The following SBF1 variants were observed in gnomAD, a reference collection of about 807,000 sequenced individuals.
SBF1 encodes the protein SET binding factor 1.
A neutral mutation model predicts 215.8 loss-of-function variants in SBF1; 65 were observed. The ratio of observed to expected loss-of-function variants is 0.30; its 90% confidence interval spans 0.25 to 0.37. The LOEUF is 0.37. Ranked by LOEUF, SBF1 falls within the 10% of genes least tolerant of loss-of-function variation. The probability of loss-of-function intolerance (pLI) is 1.00; values close to 1 mark genes in which losing one functional copy is unlikely to be tolerated. For synonymous variants in SBF1, 1,410 were observed against 1,122.8 expected (o/e 1.26, Z -5.11); for missense variants, 2,634 against 2,667.8 (o/e 0.99, Z 0.28).
At position 50,461,340 on chromosome 22, in the gene SBF1, C is replaced by T. The variant is rs1442242989; in HGVS notation, c.2840-54G>A. ...CAAGGAAGGTAAGGGGGGGGGGGTCCCAGAATCTCAGGGTACCACAGTTAT... is the reference window on the plus strand; with the variant it reads ...CAAGGAAGGTAAGGGGGGGGGGGTCTCAGAATCTCAGGGTACCACAGTTAT... On this transcript the variant is annotated intron_variant, in intron 22 of 40. Transcript: ENST00000380817. The T allele has an allele frequency of 2.6e-6, 4 of 1,556,870 alleles. No individual in the cohort carries two copies. In the Admixed American group the frequency reaches 7.3e-5, roughly 29 times the overall value.
chr22:50,471,229 A>T (rs1487298725), intron 1 of SBF1, among the ~76,000 whole-genome samples: 1 of 152,186 alleles, frequency 6.6e-6, no homozygotes, highest in Non-Finnish European at 1.5e-5. Flanking sequence ...GGGGCCACCT[A>T]AGGACAACAC....
At chr22:50,455,817 G>C in intron 31 of SBF1, 1 of 574,152 alleles carries the variant, frequency 1.7e-6, no homozygotes, top group South Asian at 2.0e-5. Flanking sequence ...CTAGGACTGA[G>C]GGACGTCCCT....
At position 50,471,744 on chromosome 22, in the gene SBF1, G is replaced by A. The variant is rs374977334; in HGVS notation, c.55+3042C>T. Reference sequence around the variant, plus strand: ...TGACCCAAGGCCTTGGACCCCTTCCGGCTCCCAGGGTGGAGGCTGGGAGGC... The same window carrying A: ...TGACCCAAGGCCTTGGACCCCTTCCAGCTCCCAGGGTGGAGGCTGGGAGGC... On this transcript the variant is annotated intron_variant, in intron 1 of 40. Transcript: ENST00000380817. Among the ~76,000 whole-genome samples the A allele has an allele frequency of 5.5e-4, 83 of 152,104 alleles. 1 individual carries two copies. In the South Asian group the frequency reaches 0.017, roughly 30 times the overall value.
At position 50,445,011 on chromosome 22, in the gene SBF1, G is replaced by A. The variant is rs1288067596; in HGVS notation, c.*2131C>T. ...GGTCCAGAAGATTATTTTACGTTGA[G>A]TCCATTTTTAATGTTCTGATCACCT... is the stretch of plus-strand genomic sequence containing the variant. On this transcript the variant is annotated 3_prime_UTR_variant, in exon 41 of 41. Transcript: ENST00000380817. 6.6e-6 allele frequency: 1 copy of A among 152,560 alleles called. No individual in the cohort carries two copies. The allele number at this position is 152,560 out of a possible 1,614,324, so 9.5% of individuals were successfully genotyped here. A position where few individuals can be genotyped will look rare whatever the true frequency, so the allele number is the denominator to read the frequency against.
intron 7 of SBF1, 39 bp downstream of exon 7, chr22:50,466,311 G>T: frequency 6.2e-7 from 1 of 1,608,386 alleles, no homozygotes. Flanking sequence ...TGGGCAAAGG[G>T]GCCAGGAGAA....
chr22:50,448,167 G>T, intron 38 of SBF1, 66 bp downstream of exon 38: 1 of 1,493,174 alleles, frequency 6.7e-7, no homozygotes, highest in South Asian at 1.1e-5. Flanking sequence ...CCCACCAGAG[G>T]ACTGCCTGGG....
intron 1 of SBF1, among the ~76,000 whole-genome samples, 187 bp downstream of exon 1, chr22:50,474,599 G>A (rs1342559325): frequency 4.1e-5 from 2 of 48,350 alleles, no homozygotes; most frequent in African/African-American, 1.6e-4. Context: ...CGGCTCCCCC[G>A]ACCCCGGCCC....
Position 50,447,461 on chromosome 22 carries a change from A to C in SBF1, c.5452-8T>G, listed in dbSNP as rs774304254. ...GTGGTCGTAGTAGCGCAGCTGGAGGAGGCCACAGAGTCAGCGGAGCCCCCT... is the reference window on the plus strand; with the variant it reads ...GTGGTCGTAGTAGCGCAGCTGGAGGCGGCCACAGAGTCAGCGGAGCCCCCT... On this transcript the variant is annotated splice_region_variant and splice_polypyrimidine_tract_variant and intron_variant, in intron 39 of 40. Coordinates refer to ENST00000380817, the MANE Select transcript of SBF1 (RefSeq NM_002972.4). 8.1e-5 allele frequency: 129 copies of C among 1,586,914 alleles called. 1 individual carries two copies. The highest frequency in any genetic ancestry group is 1.0e-4 in the Non-Finnish European group (118 of 1,166,340).
At chr22:50,450,474 G>A (rs1354917970) in intron 36 of SBF1, among the ~76,000 whole-genome samples, 1 of 151,510 alleles carries the variant, frequency 6.6e-6, no homozygotes, top group East Asian at 1.9e-4. Flanking sequence ...TGAGCCGAGA[G>A]TGCGCCACTG....
intron 1 of SBF1, 74 bp downstream of exon 1, chr22:50,474,712 C>A: frequency 2.3e-6 from 3 of 1,313,432 alleles, no homozygotes; most frequent in East Asian, 3.3e-5. Flanking sequence ...GGCCCTCGAC[C>A]CTCAGACCCA....
At position 50,447,333 on chromosome 22, in the gene SBF1, C is replaced by T; in HGVS notation, c.5572G>A (p.Ala1858Thr). ...CGGCCAAGGCTCACGTCAAAGAAGGCCTTCTCGTCCACAGTCTTAGGGGCA... is the reference window on the plus strand; with the variant it reads ...CGGCCAAGGCTCACGTCAAAGAAGGTCTTCTCGTCCACAGTCTTAGGGGCA... ...MGAPKTVDEKAFFDVKTTRRV... is the reference protein window; with the variant it reads ...MGAPKTVDEKTFFDVKTTRRV... The change falls in exon 40 of 41, where the codon GCC becomes ACC. Residue 1858 changes from alanine to threonine, a missense_variant. Physicochemically the swap from Ala to Thr is moderately conservative, Grantham distance 58 (BLOSUM62 0). Transcript: ENST00000380817. 6.2e-7 allele frequency: 1 copy of T among 1,614,090 alleles called. No homozygotes were observed. Among genetic ancestry groups the T allele is most frequent in the Non-Finnish European group, 8.5e-7 (1 of 1,179,976 alleles).
At position 50,456,395 on chromosome 22, in the gene SBF1, C is replaced by G; in HGVS notation, c.4087G>C (p.Gly1363Arg). ...YILGDKAQLK[G>R]VRSDPLQQWE... ...TGCTGCAGGGGGTCTGACCGCACAC[C>G]CTGAAAAGAATCCGGACAAGTCCCG... Residue 1363 changes from glycine to arginine, a missense_variant and splice_region_variant, in exon 31 of 41, where the codon GGT becomes CGT. By Grantham distance (125) the Gly-to-Arg change is moderately radical. Transcript: ENST00000380817. 4.3e-6 allele frequency: 7 copies of G among 1,611,986 alleles called. No individual in the cohort carries two copies. The highest frequency in any genetic ancestry group is 5.9e-6 in the Non-Finnish European group (7 of 1,179,866).
chr22:50,453,849 G>A (rs1603430958), intron 36 of SBF1, among the ~76,000 whole-genome samples: 1 of 151,834 alleles, frequency 6.6e-6, no homozygotes, highest in East Asian at 1.9e-4. Context: ...CTGAGTGCAG[G>A]TCCCCCCGTG....
intron 36 of SBF1, 95 bp from the exon 37 acceptor site, chr22:50,448,745 G>C (rs1395322028): frequency 1.8e-5 from 18 of 998,192 alleles, no homozygotes; most frequent in Non-Finnish European, 2.6e-5. Flanking sequence ...AGACACAACG[G>C]AAAGGCCTAA....
rs140466449 is a variant in SBF1, at chr22:50,461,872, G to T, written c.2570-3C>A. 1 of 1,614,036 alleles carries T rather than the reference G, an allele frequency of 6.2e-7. No homozygotes were observed. The highest frequency in any genetic ancestry group is 8.5e-7 in the Non-Finnish European group (1 of 1,180,022). On this transcript the variant is annotated splice_polypyrimidine_tract_variant and splice_region_variant and intron_variant, in intron 20 of 40. Transcript: ENST00000380817. Reference sequence around the variant, plus strand: ...CTCGATGTGCATCTGGACAATGTCTGGGGGAAGACAGTTCTCACACTTTGT... The same window carrying T: ...CTCGATGTGCATCTGGACAATGTCTTGGGGAAGACAGTTCTCACACTTTGT...
chr22:50,471,296 T>C (rs1358175182), intron 1 of SBF1, among the ~76,000 whole-genome samples: 2 of 152,210 alleles, frequency 1.3e-5, no homozygotes, highest in Non-Finnish European at 2.9e-5. Flanking sequence ...CCAATGTCCC[T>C]GCGGCCAGCC....
Position 50,465,293 on chromosome 22 carries a change from G to T in SBF1, c.1125C>A (p.Phe375Leu), listed in dbSNP as rs200307726. The part of the protein sequence containing the change: ...KELRAVFLRL[F>L]AQLLQGYRWC... ...AGCGATAGCCCTGCAGCAGCTGAGC[G>T]AACAGCCGCAGGAAGACCGCGCGCA... Residue 375 changes from phenylalanine to leucine, a missense_variant, in exon 11 of 41, where the codon TTC becomes TTA. Physicochemically the swap from Phe to Leu is conservative, Grantham distance 22. Transcript: ENST00000380817. 1.7e-4 allele frequency: 278 copies of T among 1,606,642 alleles called. No individual in the cohort carries two copies. Among genetic ancestry groups the T allele is most frequent in the Non-Finnish European group, 2.3e-4 (269 of 1,177,544 alleles).
chr22:50,467,157 C>T, intron 5 of SBF1, 181 bp downstream of exon 5: 1 of 608,890 alleles, frequency 1.6e-6, no homozygotes, highest in South Asian at 2.0e-5. Flanking sequence ...AGGCCCAGAG[C>T]ACAGGTGCGA....
At position 50,465,305 on chromosome 22, in the gene SBF1, G is replaced by A. The variant is rs772206036; in HGVS notation, c.1113C>T (p.Phe371=). The change falls in exon 11 of 41, where the codon TTC becomes TTT. Residue 371 remains phenylalanine, a synonymous_variant. Transcript: ENST00000380817. ...KMQDKELRAV[F]LRLFAQLLQG... is the part of the protein sequence containing the mutation. ...GCAGCAGCTGAGCGAACAGCCGCAG[G>A]AAGACCGCGCGCAGCTCCTTGTCCT... The A allele has an allele frequency of 2.5e-6, 4 of 1,601,888 alleles. No homozygotes were observed. The highest frequency in any genetic ancestry group is 2.3e-5 in the East Asian group (1 of 44,374).
Sources: gnomAD v4.1 joint callset for allele counts (sites outside exome capture counted in the v4.1 genomes callset) on GRCh38, gnomAD v4.1.1 for gene constraint, MANE v1.5 for transcripts, NCBI Gene and HGNC (gene_info 2026-07-23, HGNC 2026-07-21) for gene names.